The following PRDM2 variants were observed in gnomAD, a reference collection of about 807,000 sequenced individuals.
PRDM2 encodes the protein PR domain zinc finger protein 2.
PRDM2 carries 30 observed loss-of-function variants against 130.0 expected under a neutral mutation model. That is an observed-to-expected ratio of 0.23 (90% CI 0.17 to 0.31). The LOEUF (loss-of-function observed/expected upper bound fraction) is 0.31. PRDM2 is among the 10% of genes least tolerant of loss of function. The pLI, the probability that PRDM2 is intolerant of heterozygous loss-of-function variation, is 1.00. For missense variants in PRDM2, 2,011 were observed against 2,108.4 expected (o/e 0.95, Z 0.90); for synonymous variants, 871 against 782.4 (o/e 1.11, Z -1.89).
At chr1:13,775,801 G>A (rs1042187635) in intron 7 of PRDM2, among the ~76,000 whole-genome samples, 1 of 152,054 alleles carries the variant, frequency 6.6e-6, no homozygotes, top group Non-Finnish European at 1.5e-5. Context: ...ACAGCAGCCA[G>A]CATCTCCATT....
intron 1 of PRDM2, among the ~76,000 whole-genome samples, chr1:13,708,621 A>G (rs1642279263): frequency 1.3e-5 from 2 of 152,212 alleles, no homozygotes; most frequent in Admixed American, 1.3e-4. Context: ...GTCGTGTTCT[A>G]GGCCTCACTG....
intron 8 of PRDM2, among the ~76,000 whole-genome samples, chr1:13,808,771 G>A (rs1020239890): frequency 2.6e-5 from 4 of 152,160 alleles, no homozygotes; most frequent in East Asian, 1.9e-4. Flanking sequence ...ACTCAACCAC[G>A]CTCTGCCATC....
intron 1 of PRDM2, among the ~76,000 whole-genome samples, chr1:13,712,732 G>A (rs892420171): frequency 6.6e-6 from 1 of 152,212 alleles, no homozygotes; most frequent in Non-Finnish European, 1.5e-5. Context: ...CTGCACTCTA[G>A]CCTGGCGACA....
chr1:13,708,018 A>G (rs938862810), intron 1 of PRDM2, among the ~76,000 whole-genome samples: 2 of 152,170 alleles, frequency 1.3e-5, no homozygotes, highest in African/African-American at 4.8e-5. Context: ...TTAGGTGTAT[A>G]AATTTAATCA....
chr1:13,816,609 G>A, intron 9 of PRDM2, 39 bp downstream of exon 9: 8 of 1,609,494 alleles, frequency 5.0e-6, no homozygotes, highest in Non-Finnish European at 6.8e-6. Flanking sequence ...CACTGTTTGG[G>A]TGGGTCAAGG....
At chr1:13,732,389 A>G (rs1187970308) in intron 3 of PRDM2, among the ~76,000 whole-genome samples, 1 of 152,188 alleles carries the variant, frequency 6.6e-6, no homozygotes, top group Non-Finnish European at 1.5e-5. Context: ...AACTTTATAA[A>G]CAAGCAGACA....
chr1:13,770,045 A>G (rs1644322786), intron 6 of PRDM2, among the ~76,000 whole-genome samples: 1 of 152,144 alleles, frequency 6.6e-6, no homozygotes, highest in Non-Finnish European at 1.5e-5. Flanking sequence ...GATGTCGTTC[A>G]TGCTGCGGTT....
intron 9 of PRDM2, among the ~76,000 whole-genome samples, chr1:13,817,236 G>A (rs1445335041): frequency 1.3e-5 from 2 of 152,126 alleles, no homozygotes; most frequent in Non-Finnish European, 2.9e-5. Context: ...AGTATGTAGT[G>A]CAAATATTCC....
chr1:13,785,416 C>T (rs1211671747), intron 8 of PRDM2, among the ~76,000 whole-genome samples: 1 of 152,194 alleles, frequency 6.6e-6, no homozygotes, highest in Non-Finnish European at 1.5e-5. Context: ...TTTCCATACT[C>T]AGATATTTTA....
chr1:13,786,603 A>G lies in PRDM2; in HGVS notation c.5036+3772A>G, dbSNP rs371592501. 5.3e-5 allele frequency: 85 copies of G among 1,591,472 alleles called. No homozygotes were observed. The East Asian group carries it at 1.6e-3, about 31-fold the overall frequency. On this transcript the variant is annotated intron_variant, in intron 8 of 9. Coordinates refer to ENST00000311066, the MANE Select transcript of PRDM2 (RefSeq NM_001393986.1). ...CTCAACTTAGGATAAGCACTACGGC[A>G]AAGGATACGAAATCTACCAAGCTTG...
chr1:13,762,648 G>A (rs976675042), intron 6 of PRDM2, among the ~76,000 whole-genome samples: 2 of 152,188 alleles, frequency 1.3e-5, no homozygotes, highest in Admixed American at 1.3e-4. Flanking sequence ...AAAAGCCTCA[G>A]CTCAAGGACA....
intron 8 of PRDM2, among the ~76,000 whole-genome samples, chr1:13,795,425 C>G (rs1047456820): frequency 2.6e-5 from 4 of 152,328 alleles, no homozygotes; most frequent in African/African-American, 7.2e-5. Context: ...CAAGTCCAGG[C>G]AGTCTGTCTC....
chr1:13,722,129 C>T (rs1182288377), intron 2 of PRDM2, among the ~76,000 whole-genome samples: 1 of 152,182 alleles, frequency 6.6e-6, no homozygotes, highest in Non-Finnish European at 1.5e-5. Context: ...CTTCTCTGGG[C>T]TATTACAGAA....
intron 5 of PRDM2, among the ~76,000 whole-genome samples, chr1:13,748,737 C>T (rs1166964873): frequency 6.6e-6 from 1 of 152,154 alleles, no homozygotes; most frequent in African/African-American, 2.4e-5. Flanking sequence ...ATACTTCCTG[C>T]TGTATTTAAA....
At chr1:13,747,927 C>T (rs1201668111) in intron 5 of PRDM2, among the ~76,000 whole-genome samples, 2 of 152,170 alleles carry the variant, frequency 1.3e-5, no homozygotes, top group African/African-American at 4.8e-5. Context: ...CCAATCATGT[C>T]TTTGTAGGAA....
At chr1:13,724,938 A>T (rs1642860766) in intron 2 of PRDM2, among the ~76,000 whole-genome samples, 1 of 152,114 alleles carries the variant, frequency 6.6e-6, no homozygotes, top group African/African-American at 2.4e-5. Context: ...CAGGAAGGGG[A>T]GAACGTAGGA....
intron 8 of PRDM2, among the ~76,000 whole-genome samples, chr1:13,798,258 G>A (rs549690762): frequency 1.3e-4 from 20 of 152,318 alleles, no homozygotes; most frequent in African/African-American, 4.6e-4. Context: ...ACCTACTTAT[G>A]TGACCCTAAC....
intron 8 of PRDM2, among the ~76,000 whole-genome samples, chr1:13,809,176 C>A (rs142680525): frequency 6.6e-6 from 1 of 152,220 alleles, no homozygotes; most frequent in Non-Finnish European, 1.5e-5. Flanking sequence ...TATCAAGGAA[C>A]TTGGACTGCG....
At chr1:13,775,182 T>C (rs1418784964) in intron 7 of PRDM2, among the ~76,000 whole-genome samples, 1 of 152,236 alleles carries the variant, frequency 6.6e-6, no homozygotes, top group African/African-American at 2.4e-5. Flanking sequence ...GTGGATCCAC[T>C]CTGGCATGGG....
Sources: allele counts gnomAD v4.1 joint callset (sites outside exome capture counted in the v4.1 genomes callset), GRCh38; gene constraint gnomAD v4.1.1; transcripts MANE v1.5; gene names NCBI Gene and HGNC (gene_info 2026-07-23, HGNC 2026-07-21).